SAMD5: variants seen among roughly 807,000 people sequenced by gnomAD.
SAMD5 encodes the protein sterile alpha motif domain-containing protein 5.
A neutral mutation model predicts 11.3 loss-of-function variants in SAMD5; 13 were observed. The ratio of observed to expected loss-of-function variants is 1.15; its 90% CI spans 0.75 to 1.83. The LOEUF is 1.83. Among genes scored for constraint, SAMD5 ranks in the 40% most tolerant of loss-of-function variants. SAMD5 has a pLI of 0.00. For missense variants in SAMD5, 255 were observed against 239.1 expected, an observed-to-expected ratio of 1.07 and a Z score of -0.44; for synonymous variants, 129 against 111.3, an observed-to-expected ratio of 1.16 and a Z score of -1.00.
At chr6:147,698,382 T>C (rs1791208004) in intron 1 of SAMD5, among the ~76,000 whole-genome samples, 1 of 152,180 alleles carries the variant, frequency 6.6e-6, no homozygotes, top group Admixed American at 6.5e-5. Flanking sequence ...ATTCAGCCCA[T>C]AATAATGGCA....
Position 147,568,836 on chromosome 6 carries a change from C to T in SAMD5, c.*4380C>T, listed in dbSNP as rs1789085281. 1.1e-6 allele frequency: 1 copy of T among 946,944 alleles called. No individual in the cohort carries two copies. Among genetic ancestry groups the T allele is most frequent in the Non-Finnish European group, 1.3e-6 (1 of 795,062 alleles). The allele number at this position is 946,944 out of a possible 1,614,324, so 58.7% of individuals were successfully genotyped here. The stretch of plus-strand genomic sequence containing the variant: ...GCTTTACATTATTAATCTCTGAGGA[C>T]ATAAAATCAAATAACTTTCTAGTCC... On this transcript the variant is annotated 3_prime_UTR_variant, in exon 2 of 2. Coordinates refer to ENST00000367474, the MANE Select transcript of SAMD5 (RefSeq NM_001030060.3).
At chr6:147,764,233 A>G in the SAMD5 span, among the ~76,000 whole-genome samples, 1 of 152,244 alleles carries the variant, frequency 6.6e-6, no homozygotes, top group African/African-American at 2.4e-5. Context: ...ATATTATCTG[A>G]GCTCTCAGAT....
the SAMD5 span, among the ~76,000 whole-genome samples, chr6:147,849,215 C>T: frequency 2.1e-5 from 3 of 146,226 alleles, no homozygotes; most frequent in South Asian, 6.4e-4. Flanking sequence ...AGCATATGAT[C>T]CCTTAATTTT....
chr6:147,559,147 G>C (rs956611076), intron 1 of SAMD5, among the ~76,000 whole-genome samples: 1 of 152,214 alleles, frequency 6.6e-6, no homozygotes, highest in Non-Finnish European at 1.5e-5. Flanking sequence ...CGGTAAGGCG[G>C]CACTGGCCTC....
At position 147,723,560 on chromosome 6, in the gene SAMD5, T is replaced by A. The variant is rs570586518; in HGVS notation, c.163-13757T>A. The stretch of plus-strand genomic sequence containing the variant: ...GTGCTATTGCCCCCAGACTTCTCCC[T>A]GGCCCTCAATCTTGTTCATAATCAT... On this transcript the variant is annotated intron_variant, in intron 1 of 1. Coordinates refer to the SAMD5 transcript ENST00000566741. Among the ~76,000 whole-genome samples the A allele has an allele frequency of 3.9e-5, 6 of 152,328 alleles. No individual in the cohort carries two copies. In the South Asian group the frequency reaches 1.2e-3, roughly 32 times the overall value.
intron 1 of SAMD5, among the ~76,000 whole-genome samples, chr6:147,546,725 A>G (rs1788693764): frequency 6.6e-6 from 1 of 152,200 alleles, no homozygotes; most frequent in Non-Finnish European, 1.5e-5. Context: ...CTGCTGTAGT[A>G]TGTAAAATGC....
At chr6:147,533,560 T>C (rs1376164898) in intron 1 of SAMD5, among the ~76,000 whole-genome samples, 1 of 151,604 alleles carries the variant, frequency 6.6e-6, no homozygotes, top group Non-Finnish European at 1.5e-5. Flanking sequence ...GCATCAGTGG[T>C]GGCAGAAGAC....
rs1583086302 is a variant in SAMD5 at position 147,565,808 on chromosome 6, T to C, written c.*1352T>C. ...TGCTTAGAAAACGCAACCATGTTGA[T>C]GGGACCAAAAACTTAGTTGAAAGAA... On this transcript the variant is annotated 3_prime_UTR_variant, in exon 2 of 2. Coordinates refer to ENST00000367474, the MANE Select transcript of SAMD5 (RefSeq NM_001030060.3). 2 of 985,284 alleles carry C rather than the reference T, an allele frequency of 2.0e-6. No homozygotes were observed. The highest frequency in any genetic ancestry group is 3.5e-5 in the African/African-American group (2 of 57,228). 61.0% of individuals were successfully genotyped at this position (985,284 alleles called of 1,614,324 possible).
chr6:147,666,145 G>A (rs1229990632), intron 1 of SAMD5, among the ~76,000 whole-genome samples: 1 of 152,174 alleles, frequency 6.6e-6, no homozygotes, highest in African/African-American at 2.4e-5. Context: ...CACCATGTTG[G>A]CCAGGCTGGT....
At chr6:147,622,413 A>T (rs1174442768) in intron 1 of SAMD5, among the ~76,000 whole-genome samples, 1 of 152,144 alleles carries the variant, frequency 6.6e-6, no homozygotes, top group African/African-American at 2.4e-5. Flanking sequence ...GAATCCTGGG[A>T]TGTGAAACCC....
chr6:147,949,327 C>T, the SAMD5 span, among the ~76,000 whole-genome samples: 1 of 152,190 alleles, frequency 6.6e-6, no homozygotes, highest in Admixed American at 6.5e-5. Context: ...CCCCTTAACT[C>T]AGACCGCAGT....
In SAMD5 at chr6:147,696,071, T is replaced by A. The variant is rs567155926; in HGVS notation, c.163-41246T>A. 3.9e-4 allele frequency among the ~76,000 whole-genome samples: 60 copies of A among 152,260 alleles called. 1 individual carries two copies. Among genetic ancestry groups the A allele is most frequent in the Middle Eastern group, 3.4e-3 (1 of 292 alleles). On this transcript the variant is annotated intron_variant, in intron 1 of 1. Transcript: ENST00000566741. ...GTTCATGTCTGTAGTGGACAGTTGA[T>A]GTATGTAGTGGCAGACCAGGCTGTG...
chr6:147,646,967 A>G (rs1260300219), intron 1 of SAMD5, among the ~76,000 whole-genome samples: 3 of 143,112 alleles, frequency 2.1e-5, no homozygotes, highest in African/African-American at 8.1e-5. Flanking sequence ...GTGAAACCTC[A>G]TCTCTAATAA....
chr6:147,571,266 G>C (rs149674971), downstream of SAMD5, among the ~76,000 whole-genome samples: 1 of 152,282 alleles, frequency 6.6e-6, no homozygotes, highest in East Asian at 1.9e-4. Flanking sequence ...CTGCAGTAAA[G>C]TTCACAAATA....
chr6:147,624,291 C>A (rs1340728703), intron 1 of SAMD5, among the ~76,000 whole-genome samples: 1 of 152,198 alleles, frequency 6.6e-6, no homozygotes, highest in Non-Finnish European at 1.5e-5. Flanking sequence ...CTGATTAGGG[C>A]ATGCTCGCTT....
chr6:147,726,891 CCTTA>C (rs1368894131), intron 1 of SAMD5, among the ~76,000 whole-genome samples: 1 of 152,278 alleles, frequency 6.6e-6, no homozygotes, highest in South Asian at 2.1e-4. Context: ...TTCAGATCTG[CCTTA>C]CTTCTTCTGT....
At chr6:147,902,806 A>G in the SAMD5 span, among the ~76,000 whole-genome samples, 1 of 152,170 alleles carries the variant, frequency 6.6e-6, no homozygotes, top group African/African-American at 2.4e-5. Context: ...TTTATCCTAA[A>G]AAGCAATTTC....
At chr6:147,852,236 G>C in the SAMD5 span, among the ~76,000 whole-genome samples, 1 of 151,906 alleles carries the variant, frequency 6.6e-6, no homozygotes, top group Non-Finnish European at 1.5e-5. Context: ...AAATACAGCT[G>C]TATTTATGTA....
At chr6:147,910,682 G>A in the SAMD5 span, among the ~76,000 whole-genome samples, 6 of 152,114 alleles carry the variant, frequency 3.9e-5, no homozygotes, top group Non-Finnish European at 7.3e-5. Flanking sequence ...TACACAATAC[G>A]GTGGAGCTCT....
Sources: allele counts gnomAD v4.1 joint callset (sites outside exome capture counted in the v4.1 genomes callset), GRCh38; gene constraint gnomAD v4.1.1; transcripts MANE v1.5; gene names NCBI Gene and HGNC (gene_info 2026-07-23, HGNC 2026-07-21).